Variants in KIF3B observed in about 807,000 individuals in gnomAD.
The protein encoded by KIF3B is kinesin-like protein KIF3B.
Under a neutral mutation model 74.3 loss-of-function variants are expected in KIF3B, and 38 were observed. That is an observed-to-expected ratio of 0.51 (90% CI 0.39 to 0.67). The LOEUF (loss-of-function observed/expected upper bound fraction) is 0.67, where lower values mean the gene tolerates loss of function less well. Among genes scored for constraint, KIF3B ranks in the 30% least tolerant of loss-of-function variants. The pLI, the probability that KIF3B is intolerant of heterozygous loss-of-function variation, is 0.00. For missense variants in KIF3B, 649 were observed against 932.0 expected, an observed-to-expected ratio of 0.70 and a Z score of 3.95; for synonymous variants, 326 against 342.5, an observed-to-expected ratio of 0.95 and a Z score of 0.53.
At chr20:32,322,418 G>A (rs576602116) in intron 5 of KIF3B, among the ~76,000 whole-genome samples, 15 of 150,288 alleles carry the variant, frequency 1.0e-4, no homozygotes, top group African/African-American at 3.2e-4. Flanking sequence ...AGACCAGCCC[G>A]GCCAACATGG....
intron 2 of KIF3B, 35 bp from the exon 3 acceptor site, chr20:32,316,183 T>C: frequency 2.5e-6 from 3 of 1,218,410 alleles, no homozygotes; most frequent in Non-Finnish European, 3.7e-6. Flanking sequence ...AGAGAAACCG[T>C]TCATGAGATG....
At chr20:32,313,080 G>A (rs189418539) in intron 2 of KIF3B, among the ~76,000 whole-genome samples, 1 of 152,226 alleles carries the variant, frequency 6.6e-6, no homozygotes, top group Admixed American at 6.5e-5. Context: ...CCCAACCCCT[G>A]TGTGCTAATA....
intron 1 of KIF3B, among the ~76,000 whole-genome samples, chr20:32,291,086 G>A (rs1473841994): frequency 6.6e-6 from 1 of 152,068 alleles, no homozygotes; most frequent in Admixed American, 6.6e-5. Flanking sequence ...TGGAAACATG[G>A]TTACCAGGGG....
At chr20:32,327,533 T>C in intron 6 of KIF3B, 23 bp from the exon 7 acceptor site, 5 of 1,604,460 alleles carry the variant, frequency 3.1e-6, no homozygotes, top group Non-Finnish European at 4.3e-6. Context: ...AGCCAGGGCT[T>C]TAACACTGCA....
In KIF3B at chr20:32,314,213, C is replaced by G. The variant is rs565495499; in HGVS notation, c.1405-2005C>G. On this transcript the variant is annotated intron_variant, in intron 2 of 8. Coordinates refer to ENST00000375712, the MANE Select transcript of KIF3B (RefSeq NM_004798.4). ...CTATGGAGAATGACATTATTTCTGTCTTTCTCAATCCCTGGATGCTGTGAA... is the reference window on the plus strand; with the variant it reads ...CTATGGAGAATGACATTATTTCTGTGTTTCTCAATCCCTGGATGCTGTGAA... Among the ~76,000 whole-genome samples the G allele has an allele frequency of 2.6e-5, 4 of 152,306 alleles. No individual in the cohort carries two copies. In the East Asian group the frequency reaches 7.7e-4, roughly 29 times the overall value.
intron 7 of KIF3B, among the ~76,000 whole-genome samples, chr20:32,329,350 CTT>C (rs35042287): frequency 2.3e-4 from 32 of 140,634 alleles, no homozygotes; most frequent in African/African-American, 1.8e-4. Flanking sequence ...CCTTTTTTTT[CTT>C]TTTTTTTTTT....
At position 32,309,883 on chromosome 20, in the gene KIF3B, G is replaced by A. The variant is rs1259729836; in HGVS notation, c.106G>A (p.Val36Ile). 2 of 1,614,068 alleles carry A rather than the reference G, an allele frequency of 1.2e-6. No individual in the cohort carries two copies. Among genetic ancestry groups the A allele is most frequent in the African/African-American group, 2.7e-5 (2 of 74,916 alleles). ...GTATGACAAAGTGGTGGATGTGGAT[G>A]TTAAGCTGGGGCAGGTGTCTGTGAA... is the stretch of plus-strand genomic sequence containing the variant. ...ASYDKVVDVDVKLGQVSVKNP... is the reference protein window; with the variant it reads ...ASYDKVVDVDIKLGQVSVKNP... The change falls in exon 2 of 9, where the codon GTT (valine) becomes ATT (isoleucine). Residue 36 changes from valine to isoleucine, a missense_variant. Val to Ile is a conservative substitution (Grantham distance 29). Transcript: ENST00000375712.
chr20:32,316,910 C>T lies in KIF3B; in HGVS notation c.1748+36C>T, dbSNP rs750141496. The T allele has an allele frequency of 6.4e-6, 9 of 1,401,948 alleles. No individual in the cohort carries two copies. In the Admixed American group the frequency reaches 1.5e-4, roughly 23 times the overall value. 86.8% of individuals were successfully genotyped at this position (1,401,948 alleles called of 1,614,324 possible). ...GGCCTTCCATAGTGCCCCCAAGCCA[C>T]TTGCTGAGTCATTGATCTCGTTTGT... On this transcript the variant is annotated intron_variant, in intron 5 of 8. Coordinates refer to ENST00000375712, the MANE Select transcript of KIF3B (RefSeq NM_004798.4).
chr20:32,329,289 C>T (rs1402534834), intron 7 of KIF3B, among the ~76,000 whole-genome samples: 4 of 152,126 alleles, frequency 2.6e-5, no homozygotes, highest in Non-Finnish European at 2.9e-5. Context: ...GTGATCCACC[C>T]GCCTTAGCCT....
intron 2 of KIF3B, among the ~76,000 whole-genome samples, chr20:32,314,602 AT>A (rs1379194814): frequency 6.6e-6 from 1 of 152,116 alleles, no homozygotes; most frequent in Non-Finnish European, 1.5e-5. Flanking sequence ...GAGTTTAGCA[AT>A]CTAGTCCAGC....
intron 1 of KIF3B, 120 bp from the exon 2 acceptor site, chr20:32,309,593 A>G (rs1358494480): frequency 1.6e-6 from 1 of 637,962 alleles, no homozygotes. Flanking sequence ...ACAGTGTAGT[A>G]AAGTTATCAG....
intron 1 of KIF3B, among the ~76,000 whole-genome samples, chr20:32,286,776 A>T (rs1018042758): frequency 2.0e-5 from 3 of 152,114 alleles, no homozygotes; most frequent in African/African-American, 7.2e-5. Flanking sequence ...CATTGTTGTT[A>T]TTTAGGCCAT....
chr20:32,327,489 C>A, intron 6 of KIF3B, 67 bp from the exon 7 acceptor site: 1 of 1,300,642 alleles, frequency 7.7e-7, no homozygotes, highest in Non-Finnish European at 1.1e-6. Context: ...CAGGTTCTGT[C>A]AGTGTCTTCC....
intron 8 of KIF3B, among the ~76,000 whole-genome samples, chr20:32,330,978 C>A (rs1243466338): frequency 9.9e-5 from 15 of 152,166 alleles, no homozygotes; most frequent in Admixed American, 9.8e-4. Flanking sequence ...TACAGTCAAG[C>A]TTTGGTTTTA....
At chr20:32,287,992 C>T (rs1319851677) in intron 1 of KIF3B, among the ~76,000 whole-genome samples, 1 of 146,566 alleles carries the variant, frequency 6.8e-6, no homozygotes, top group Non-Finnish European at 1.5e-5. Context: ...AAGTGATTCT[C>T]CTGCCTCAGC....
chr20:32,287,175 A>G (rs1034224744), intron 1 of KIF3B, among the ~76,000 whole-genome samples: 1 of 151,966 alleles, frequency 6.6e-6, no homozygotes, highest in Non-Finnish European at 1.5e-5. Context: ...ATTTATTTCA[A>G]TTTTTGTTTC....
intron 7 of KIF3B, among the ~76,000 whole-genome samples, chr20:32,329,350 C>CTTT (rs35042287): frequency 1.4e-5 from 2 of 140,638 alleles, no homozygotes; most frequent in Non-Finnish European, 3.1e-5. Context: ...CCTTTTTTTT[C>CTTT]TTTTTTTTTT....
At chr20:32,306,940 T>C (rs1339213476) in intron 1 of KIF3B, among the ~76,000 whole-genome samples, 2 of 152,100 alleles carry the variant, frequency 1.3e-5, no homozygotes, top group Non-Finnish European at 2.9e-5. Context: ...ATAGTTCCCG[T>C]GCTAAAGCTG....
chr20:32,288,383 G>A (rs56930149), intron 1 of KIF3B, among the ~76,000 whole-genome samples: 54,790 of 151,764 alleles, frequency 0.36, 10,754 homozygotes, highest in East Asian at 0.74. Context: ...CCAACTACTC[G>A]GGAAGCTGAG....
Sources: allele counts gnomAD v4.1 joint callset (sites outside exome capture counted in the v4.1 genomes callset), GRCh38; gene constraint gnomAD v4.1.1; transcripts MANE v1.5; gene names NCBI Gene and HGNC (gene_info 2026-07-23, HGNC 2026-07-21).